The following EXT1 variants were observed in gnomAD, a reference collection of about 807,000 sequenced individuals.
EXT1 encodes exostosin glycosyltransferase 1.
EXT1 carries 20 observed loss-of-function variants against 82.5 expected under a neutral mutation model. The observed-to-expected ratio is 0.24, with a 90% confidence interval of 0.17 to 0.35. The LOEUF is 0.35. EXT1 is among the 10% of genes least tolerant of loss of function. The pLI is 1.00. For missense variants in EXT1, 757 were observed against 936.5 expected, an observed-to-expected ratio of 0.81 and a Z score of 2.50; for synonymous variants, 348 against 350.8, an observed-to-expected ratio of 0.99 and a Z score of 0.09.
At chr8:117,949,831 A>C (rs979167077) in intron 1 of EXT1, among the ~76,000 whole-genome samples, 1 of 152,194 alleles carries the variant, frequency 6.6e-6, no homozygotes, top group African/African-American at 2.4e-5. Flanking sequence ...TTTTAAGCCC[A>C]ATATCAGTCT....
intron 1 of EXT1, among the ~76,000 whole-genome samples, chr8:117,867,745 T>A (rs1169957882): frequency 6.6e-6 from 1 of 152,182 alleles, no homozygotes; most frequent in Non-Finnish European, 1.5e-5. Flanking sequence ...CTTTTGCAGT[T>A]CGGAGGCTGT....
rs533133368 is a variant in EXT1, at chr8:117,923,123, G to A, written c.963-85922C>T. ...GTGGATCACTTGAGGTCAGGAGTTC[G>A]AGACCAGCCTCGCCAACATGGTGAA... is the stretch of plus-strand genomic sequence containing the variant. On this transcript the variant is annotated intron_variant, in intron 1 of 10. Transcript: ENST00000378204. Among the ~76,000 whole-genome samples the A allele has an allele frequency of 4.6e-5, 7 of 152,114 alleles. No individual in the cohort carries two copies. In the South Asian group the frequency reaches 1.0e-3, roughly 23 times the overall value.
At chr8:118,036,970 C>T in intron 1 of EXT1, among the ~76,000 whole-genome samples, 1 of 152,186 alleles carries the variant, frequency 6.6e-6, no homozygotes, top group East Asian at 1.9e-4. Flanking sequence ...GCACGCAGCA[C>T]ACCAAATCCA....
At chr8:118,060,851 A>G (rs1031725856) in intron 1 of EXT1, among the ~76,000 whole-genome samples, 5 of 152,254 alleles carry the variant, frequency 3.3e-5, no homozygotes, top group Non-Finnish European at 7.3e-5. Flanking sequence ...ATTCTTCACC[A>G]AGAAGAGCAA....
At chr8:118,089,198 G>A (rs568690860) in intron 1 of EXT1, among the ~76,000 whole-genome samples, 11 of 152,180 alleles carry the variant, frequency 7.2e-5, no homozygotes, top group Admixed American at 2.0e-4. Flanking sequence ...ATTTAAATTA[G>A]TTTTCACCCC....
intron 1 of EXT1, among the ~76,000 whole-genome samples, chr8:118,013,951 G>A (rs140903159): frequency 2.0e-5 from 3 of 152,260 alleles, no homozygotes; most frequent in Non-Finnish European, 4.4e-5. Flanking sequence ...GTTGAACTGC[G>A]ATTGAATCCT....
At chr8:117,958,028 T>C (rs1814623656) in intron 1 of EXT1, among the ~76,000 whole-genome samples, 1 of 152,176 alleles carries the variant, frequency 6.6e-6, no homozygotes, top group Admixed American at 6.5e-5. Context: ...TGGAACCTAA[T>C]GGTTATTTTG....
chr8:118,102,389 T>C (rs1817735885), intron 1 of EXT1, among the ~76,000 whole-genome samples: 1 of 150,888 alleles, frequency 6.6e-6, no homozygotes, highest in African/African-American at 2.4e-5. Flanking sequence ...TTCCAAACAA[T>C]TTACTAGAAC....
At chr8:118,106,363 A>G (rs548106945) in intron 1 of EXT1, among the ~76,000 whole-genome samples, 47 of 152,290 alleles carry the variant, frequency 3.1e-4, no homozygotes, top group African/African-American at 1.1e-3. Flanking sequence ...TTCTGGTGCT[A>G]CCCTTGTCAC....
intron 1 of EXT1, among the ~76,000 whole-genome samples, chr8:118,095,669 C>A (rs1202333081): frequency 6.6e-6 from 1 of 152,164 alleles, no homozygotes; most frequent in Non-Finnish European, 1.5e-5. Context: ...GATATACAGA[C>A]CTAGGAATAA....
intron 1 of EXT1, among the ~76,000 whole-genome samples, chr8:118,042,286 AGTTTTGTTTTTT>A (rs147317683): frequency 0.013 from 1,992 of 152,048 alleles, 44 homozygotes; most frequent in African/African-American, 0.045. Flanking sequence ...ACCTTGGTTT[AGTTTTGTTTTTT>A]GTTTTGTTTT....
chr8:118,022,243 T>C (rs1362385244), intron 1 of EXT1, among the ~76,000 whole-genome samples: 3 of 147,344 alleles, frequency 2.0e-5, no homozygotes, highest in Admixed American at 1.4e-4. Flanking sequence ...TATGCATATA[T>C]AACTGGGAAA....
intron 1 of EXT1, among the ~76,000 whole-genome samples, chr8:117,923,230 G>A (rs1034874666): frequency 1.3e-5 from 2 of 151,988 alleles, no homozygotes; most frequent in South Asian, 4.1e-4. Flanking sequence ...GCTGAGGCAG[G>A]GAATCACTTG....
chr8:117,983,549 C>T (rs1328056988), intron 1 of EXT1, among the ~76,000 whole-genome samples: 2 of 152,056 alleles, frequency 1.3e-5, no homozygotes, highest in Non-Finnish European at 2.9e-5. Context: ...AGTAACAGCC[C>T]CAATGTCACA....
At chr8:117,856,286 G>A (rs201152858) in intron 1 of EXT1, among the ~76,000 whole-genome samples, 33 of 146,868 alleles carry the variant, frequency 2.2e-4, no homozygotes, top group African/African-American at 7.3e-4. Flanking sequence ...ACGGAGTCTC[G>A]CTCTGTTGCC....
At chr8:118,042,716 C>G (rs1397490866) in intron 1 of EXT1, among the ~76,000 whole-genome samples, 2 of 152,172 alleles carry the variant, frequency 1.3e-5, no homozygotes, top group Non-Finnish European at 2.9e-5. Context: ...ACTTATATCT[C>G]CATTCATACT....
At chr8:117,991,407 C>A (rs1195926052) in intron 1 of EXT1, among the ~76,000 whole-genome samples, 1 of 152,160 alleles carries the variant, frequency 6.6e-6, no homozygotes, top group Non-Finnish European at 1.5e-5. Flanking sequence ...CATTTCTGTA[C>A]ATAAGGTGGT....
At chr8:117,978,672 G>A (rs183952587) in intron 1 of EXT1, among the ~76,000 whole-genome samples, 246 of 152,314 alleles carry the variant, frequency 1.6e-3, no homozygotes, top group African/African-American at 5.8e-3. Flanking sequence ...TCACAGCTGC[G>A]TGACTCACGC....
At chr8:117,829,433 C>T (rs992793243) in intron 4 of EXT1, among the ~76,000 whole-genome samples, 15 of 152,260 alleles carry the variant, frequency 9.9e-5, no homozygotes, top group South Asian at 4.2e-4. Flanking sequence ...GCCACATTGA[C>T]GCTGGTTGGC....
Sources: gnomAD v4.1 joint callset for allele counts (sites outside exome capture counted in the v4.1 genomes callset) on GRCh38, gnomAD v4.1.1 for gene constraint, MANE v1.5 for transcripts, NCBI Gene and HGNC (gene_info 2026-07-23, HGNC 2026-07-21) for gene names.